EPN2: variants seen among roughly 807,000 people sequenced by gnomAD.
EPN2 encodes epsin-2.
A neutral mutation model predicts 61.7 loss-of-function variants in EPN2; 34 were observed. The ratio of observed to expected loss-of-function variants is 0.55; its 90% CI spans 0.42 to 0.73. EPN2 has a LOEUF of 0.73. Among genes scored for constraint, EPN2 ranks in the 30% least tolerant of loss-of-function variants. The probability of loss-of-function intolerance (pLI) is 0.00; values close to 1 mark genes in which losing one functional copy is unlikely to be tolerated. For synonymous variants in EPN2, 349 were observed against 353.6 expected (o/e 0.99, Z 0.15); for missense variants, 714 against 839.2 (o/e 0.85, Z 1.84).
At chr17:19,260,211 T>C (rs2045126149) in intron 1 of EPN2, among the ~76,000 whole-genome samples, 1 of 152,178 alleles carries the variant, frequency 6.6e-6, no homozygotes, top group African/African-American at 2.4e-5. Flanking sequence ...TTGAATCTGC[T>C]ACCTTATGAT....
intron 4 of EPN2, among the ~76,000 whole-genome samples, chr17:19,305,109 A>G (rs867492020): frequency 6.6e-6 from 1 of 151,240 alleles, no homozygotes; most frequent in African/African-American, 2.4e-5. Flanking sequence ...ATGTAAAAAT[A>G]TACTTTGGTT....
chr17:19,286,464 G>T (rs2045406303), intron 4 of EPN2, among the ~76,000 whole-genome samples: 1 of 152,146 alleles, frequency 6.6e-6, no homozygotes, highest in Non-Finnish European at 1.5e-5. Context: ...CCTTACAACT[G>T]TAGCAGGTTA....
chr17:19,267,621 C>T (rs2045213448), intron 1 of EPN2, among the ~76,000 whole-genome samples: 1 of 151,832 alleles, frequency 6.6e-6, no homozygotes, highest in African/African-American at 2.4e-5. Flanking sequence ...CAGCTCACTG[C>T]AACCTCTGCC....
intron 7 of EPN2, among the ~76,000 whole-genome samples, chr17:19,314,816 C>T (rs1054968402): frequency 2.0e-5 from 3 of 152,240 alleles, no homozygotes; most frequent in Non-Finnish European, 4.4e-5. Flanking sequence ...GTTTTACTCA[C>T]CACACATGGG....
intron 4 of EPN2, among the ~76,000 whole-genome samples, chr17:19,295,341 T>TACGC (rs2045504625): frequency 1.4e-5 from 2 of 145,058 alleles, no homozygotes; most frequent in African/African-American, 5.1e-5. Flanking sequence ...CTATTAAAAA[T>TACGC]ACACACACAC....
chr17:19,326,570 C>A (rs936267329), intron 7 of EPN2, among the ~76,000 whole-genome samples: 6 of 150,492 alleles, frequency 4.0e-5, no homozygotes, highest in African/African-American at 1.2e-4. Flanking sequence ...GCCTGTAGTC[C>A]CAGCTACTCG....
At position 19,336,701 on chromosome 17, in the gene EPN2, T is replaced by C. The variant is rs1907480203; in HGVS notation, c.*2447T>C. On this transcript the variant is annotated 3_prime_UTR_variant, in exon 11 of 11. Coordinates refer to ENST00000314728, the MANE Select transcript of EPN2 (RefSeq NM_014964.5). Reference sequence around the variant, plus strand: ...TTATTTACTGTATAAATATAATTTATCATTTGTACCATGATGCGGTTTCTG... The same window carrying C: ...TTATTTACTGTATAAATATAATTTACCATTTGTACCATGATGCGGTTTCTG... 1 of 152,616 alleles carries C rather than the reference T, an allele frequency of 6.6e-6. No homozygotes were observed. Among genetic ancestry groups the C allele is most frequent in the Admixed American group, 6.5e-5 (1 of 15,290 alleles). The allele number at this position is 152,616 out of a possible 1,614,324, so 9.5% of individuals were successfully genotyped here. A position where few individuals can be genotyped will look rare whatever the true frequency, so the allele number is the denominator to read the frequency against.
In EPN2 at chr17:19,246,334, C is replaced by T. The variant is rs562095849; in HGVS notation, c.-294+8803C>T. On this transcript the variant is annotated intron_variant, in intron 1 of 10. Coordinates refer to ENST00000314728, the MANE Select transcript of EPN2 (RefSeq NM_014964.5). ...ATCATGCCACTGCACTCCAGCCTGG[C>T]GACAGAGCGAGACTGTCTCAAAATA... Among the ~76,000 whole-genome samples, 14 of 152,188 alleles carry T rather than the reference C, an allele frequency of 9.2e-5. No homozygotes were observed. The South Asian group carries it at 2.3e-3, about 25-fold the overall frequency.
chr17:19,287,744 G>A (rs1212281240), intron 4 of EPN2, among the ~76,000 whole-genome samples: 1 of 152,170 alleles, frequency 6.6e-6, no homozygotes, highest in Non-Finnish European at 1.5e-5. Context: ...GGCAGAGGAG[G>A]CAGACTGCTC....
chr17:19,326,515 T>C (rs1211375014), intron 7 of EPN2, among the ~76,000 whole-genome samples: 1 of 151,844 alleles, frequency 6.6e-6, no homozygotes, highest in East Asian at 1.9e-4. Flanking sequence ...TGAAACCCCG[T>C]CTCTCCTAAA....
intron 6 of EPN2, 77 bp downstream of exon 6, chr17:19,312,221 T>C: frequency 9.8e-7 from 1 of 1,021,660 alleles, no homozygotes; most frequent in Non-Finnish European, 1.5e-6. Flanking sequence ...CCAACTTGCC[T>C]GGATGGCGTG....
In EPN2 at chr17:19,283,402, C is replaced by A; in HGVS notation, c.283C>A (p.Gln95Lys). 6.2e-7 allele frequency: 1 copy of A among 1,614,206 alleles called. No homozygotes were observed. Among genetic ancestry groups the A allele is most frequent in the Non-Finnish European group, 8.5e-7 (1 of 1,180,028 alleles). ...GACAGGCTCCGAACGTGTGGCCCAG[C>A]AGTGCCGGGAGAACATCTTCGCCAT... ...IKTGSERVAQQCRENIFAIQT... is the reference protein window; with the variant it reads ...IKTGSERVAQKCRENIFAIQT... Residue 95 changes from glutamine (Q) to lysine (K), a missense_variant, in exon 3 of 11, where the codon CAG becomes AAG. Gln to Lys is a moderately conservative substitution (Grantham distance 53). Transcript: ENST00000314728. The surrounding 1 kb of genome is among the most constrained non-coding windows in gnomAD (Gnocchi z 7.0).
chr17:19,265,585 G>C (rs2045188425), intron 1 of EPN2, among the ~76,000 whole-genome samples: 1 of 152,052 alleles, frequency 6.6e-6, no homozygotes, highest in Non-Finnish European at 1.5e-5. Context: ...GCCCTTTCTT[G>C]GACTTGGCCG....
intron 1 of EPN2, among the ~76,000 whole-genome samples, chr17:19,263,932 G>A (rs944622711): frequency 2.0e-5 from 3 of 152,128 alleles, no homozygotes; most frequent in Non-Finnish European, 4.4e-5. Context: ...TTAGGGGCAT[G>A]GATGTAGCCA....
rs932207135 is a variant in EPN2 at position 19,334,312 on chromosome 17, C to G, written c.*58C>G. The G allele has an allele frequency of 7.5e-7, 1 of 1,331,916 alleles. No homozygotes were observed. The allele number at this position is 1,331,916 out of a possible 1,614,324, so 82.5% of individuals were successfully genotyped here. The stretch of plus-strand genomic sequence containing the variant: ...TGCTGGAGGATGCCGAGCAGGGACT[C>G]TCGTCTGTGGGACGGGATCCAAGAG... On this transcript the variant is annotated 3_prime_UTR_variant, in exon 11 of 11. Coordinates refer to ENST00000314728, the MANE Select transcript of EPN2 (RefSeq NM_014964.5). This position sits in a 1 kb window ranked among gnomAD's most constrained non-coding sequence, Gnocchi z 4.9.
At chr17:19,256,100 G>A (rs1454154869) in intron 1 of EPN2, among the ~76,000 whole-genome samples, 2 of 151,884 alleles carry the variant, frequency 1.3e-5, no homozygotes, top group Non-Finnish European at 2.9e-5. Context: ...ACCACGCCCG[G>A]CTAATTTTTT....
intron 7 of EPN2, among the ~76,000 whole-genome samples, chr17:19,322,583 A>T (rs565087287): frequency 2.6e-5 from 1 of 39,138 alleles, no homozygotes; most frequent in African/African-American, 1.4e-4. Flanking sequence ...TTTACAAAAA[A>T]TAAAAAAATC....
At chr17:19,331,470 A>G (rs1343160929) in intron 9 of EPN2, among the ~76,000 whole-genome samples, 2 of 152,068 alleles carry the variant, frequency 1.3e-5, no homozygotes, top group East Asian at 1.9e-4. Context: ...TTTTACTATC[A>G]AGAAGTTCAT....
intron 4 of EPN2, among the ~76,000 whole-genome samples, chr17:19,300,205 G>A (rs552256553): frequency 7.2e-5 from 11 of 152,282 alleles, no homozygotes; most frequent in Non-Finnish European, 1.5e-4. Flanking sequence ...AAAGAAACAG[G>A]GACTTAGGAG....
Sources: gnomAD v4.1 joint callset for allele counts (sites outside exome capture counted in the v4.1 genomes callset) on GRCh38, gnomAD v4.1.1 for gene constraint, Gnocchi (gnomAD v3.1) non-coding constraint, MANE v1.5 for transcripts, NCBI Gene and HGNC (gene_info 2026-07-23, HGNC 2026-07-21) for gene names.